Variants in SNX29 observed in about 807,000 individuals in gnomAD.
SNX29 encodes sorting nexin 29, also known as sorting nexin-29.
In SNX29, 78 loss-of-function variants were observed where a neutral mutation model predicts 102.1. The observed-to-expected ratio is 0.76, with a 90% CI of 0.64 to 0.92. SNX29 has a LOEUF of 0.92. Among genes scored for constraint, SNX29 ranks in the 40% least tolerant of loss-of-function variants. SNX29 has a pLI of 0.00. For synonymous variants in SNX29, 580 were observed against 414.5 expected, an observed-to-expected ratio of 1.40 and a Z score of -4.85; for missense variants, 1,280 against 1,061.7, an observed-to-expected ratio of 1.21 and a Z score of -2.86.
chr16:12,327,029 G>C (rs930326920), intron 15 of SNX29, among the ~76,000 whole-genome samples: 1 of 152,192 alleles, frequency 6.6e-6, no homozygotes, highest in African/African-American at 2.4e-5. Context: ...TGGGCTGCTG[G>C]GTTGCTCTGT....
rs185756881 is a variant in SNX29, at chr16:12,270,973, G to A, written c.1679-6960G>A. On this transcript the variant is annotated intron_variant, in intron 14 of 20. Transcript: ENST00000566228. ...CAGGAGAATGGCTTGAACTGGGGAG[G>A]TGGAGGTTGCAGTGAGTCAAGATCG... Among the ~76,000 whole-genome samples, 151 of 152,252 alleles carry A rather than the reference G, an allele frequency of 9.9e-4. 2 individuals are homozygous for A. Among genetic ancestry groups the A allele is most frequent in the East Asian group, 5.2e-3 (27 of 5,170 alleles).
At chr16:12,086,012 T>C (rs1401710648) in intron 11 of SNX29, among the ~76,000 whole-genome samples, 1 of 143,648 alleles carries the variant, frequency 7.0e-6, no homozygotes, top group Admixed American at 6.8e-5. Flanking sequence ...GCCAATTCTT[T>C]TTTTTTTTTT....
intron 14 of SNX29, among the ~76,000 whole-genome samples, chr16:12,261,177 G>A (rs1406634508): frequency 6.7e-6 from 1 of 149,506 alleles, no homozygotes; most frequent in East Asian, 2.0e-4. Context: ...GCTGGAGTGA[G>A]TGTTTGCTGA....
chr16:12,241,384 A>G (rs1319036658), intron 14 of SNX29, among the ~76,000 whole-genome samples: 1 of 152,168 alleles, frequency 6.6e-6, no homozygotes, highest in Non-Finnish European at 1.5e-5. Context: ...TGATCAGACA[A>G]TGGCATGATC....
At chr16:12,409,292 T>G (rs548987109) in intron 18 of SNX29, among the ~76,000 whole-genome samples, 2 of 152,352 alleles carry the variant, frequency 1.3e-5, no homozygotes, top group East Asian at 3.9e-4. Flanking sequence ...ACATTTTGGT[T>G]TGATTTTTCT....
intron 1 of SNX29, among the ~76,000 whole-genome samples, chr16:11,980,659 C>G (rs1411922015): frequency 1.3e-5 from 2 of 152,152 alleles, no homozygotes; most frequent in Non-Finnish European, 2.9e-5. Flanking sequence ...TTCTCCACAC[C>G]TTCCCCAAGA....
chr16:12,443,062 C>A (rs561153475), intron 18 of SNX29: 1 of 455,780 alleles, frequency 2.2e-6, no homozygotes, highest in Admixed American at 2.4e-5. Context: ...GGCCAGGCGT[C>A]CAGCCTGGTT....
chr16:12,165,832 G>C (rs577953771), intron 13 of SNX29, among the ~76,000 whole-genome samples: 2 of 152,344 alleles, frequency 1.3e-5, no homozygotes, highest in South Asian at 2.1e-4. Context: ...CCAAAGTGTT[G>C]GGATTACTGG....
intron 11 of SNX29, among the ~76,000 whole-genome samples, chr16:12,114,129 G>C: frequency 6.6e-6 from 1 of 152,200 alleles, no homozygotes; most frequent in East Asian, 1.9e-4. Context: ...TGCCAACTCA[G>C]TGTAGGTTCC....
rs7204000 is a variant in SNX29, at chr16:12,547,715, C to G, written c.2319-20791C>G. ...GCGTTCCTGTCTGGGATCTGCATAG[C>G]ATGGCACCCATCACTGCCCCTCTAA... is the stretch of plus-strand genomic sequence containing the variant. On this transcript the variant is annotated intron_variant, in intron 20 of 20. Coordinates refer to ENST00000566228, the MANE Select transcript of SNX29 (RefSeq NM_032167.5). Among the ~76,000 whole-genome samples, 4 of 152,300 alleles carry G rather than the reference C, an allele frequency of 2.6e-5. No individual in the cohort carries two copies. The East Asian group carries it at 7.7e-4, about 29-fold the overall frequency.
intron 12 of SNX29, 30 bp downstream of exon 12, chr16:12,126,726 CCT>C (rs1567230533): frequency 6.2e-7 from 1 of 1,611,720 alleles, no homozygotes; most frequent in African/African-American, 1.3e-5. Flanking sequence ...TGAGGAATAG[CCT>C]CTTTCTTTGA....
intron 8 of SNX29, among the ~76,000 whole-genome samples, chr16:12,059,217 A>G (rs2050665357): frequency 6.6e-6 from 1 of 152,174 alleles, no homozygotes; most frequent in African/African-American, 2.4e-5. Flanking sequence ...CCAGCAGAAC[A>G]TCGCACCTGC....
At chr16:12,454,979 C>G (rs529954283) in intron 18 of SNX29, among the ~76,000 whole-genome samples, 2 of 152,294 alleles carry the variant, frequency 1.3e-5, no homozygotes, top group Admixed American at 1.3e-4. Flanking sequence ...AACTCCTGAC[C>G]TCAAGTGATC....
intron 3 of SNX29, among the ~76,000 whole-genome samples, chr16:12,019,591 TATAGATAG>T (rs538458322): frequency 1.8e-3 from 252 of 142,834 alleles, no homozygotes; most frequent in African/African-American, 4.8e-3. Flanking sequence ...AATATATATA[TATAGATAG>T]ATAGATAGAT....
intron 19 of SNX29, among the ~76,000 whole-genome samples, chr16:12,505,339 T>G (rs1011488394): frequency 1.1e-4 from 16 of 152,176 alleles, no homozygotes; most frequent in African/African-American, 3.6e-4. Flanking sequence ...GCTAGCATAT[T>G]CGGTGTCTGG....
At chr16:12,429,592 G>C (rs572415440) in intron 18 of SNX29, among the ~76,000 whole-genome samples, 3 of 152,246 alleles carry the variant, frequency 2.0e-5, no homozygotes, top group South Asian at 2.1e-4. Context: ...TTAATTTAAC[G>C]TGAGATTTTT....
chr16:12,398,442 G>A lies in SNX29; in HGVS notation c.1900-4G>A, dbSNP rs181146157. 30 of 1,613,846 alleles carry A rather than the reference G, an allele frequency of 1.9e-5. No individual in the cohort carries two copies. In the Admixed American group the frequency reaches 2.7e-4, roughly 14 times the overall value. ...CTCCCCTCTCCCCCTTCTCCTGATG[G>A]TAGGTGCCTGGAGATTTGAGTCAAA... On this transcript the variant is annotated splice_region_variant and splice_polypyrimidine_tract_variant and intron_variant, in intron 16 of 20. Transcript: ENST00000566228.
chr16:12,142,178 A>G (rs1388976186), intron 13 of SNX29, among the ~76,000 whole-genome samples: 1 of 152,166 alleles, frequency 6.6e-6, no homozygotes, highest in African/African-American at 2.4e-5. Flanking sequence ...TAGAGACTGG[A>G]TCCAGTCCAC....
chr16:12,393,273 T>C (rs750042698), intron 16 of SNX29, among the ~76,000 whole-genome samples: 2 of 151,750 alleles, frequency 1.3e-5, no homozygotes, highest in Non-Finnish European at 2.9e-5. Flanking sequence ...TGGTTCTTTT[T>C]TTGTCTCCAA....
Sources: gnomAD v4.1 joint callset for allele counts (sites outside exome capture counted in the v4.1 genomes callset) on GRCh38, gnomAD v4.1.1 for gene constraint, MANE v1.5 for transcripts, NCBI Gene and HGNC (gene_info 2026-07-23, HGNC 2026-07-21) for gene names.